The following ARHGAP24 variants were observed in gnomAD, a reference collection of about 807,000 sequenced individuals.
ARHGAP24 encodes rho GTPase-activating protein 24.
In ARHGAP24, 50 loss-of-function variants were observed where a neutral mutation model predicts 76.4. The ratio of observed to expected loss-of-function variants is 0.65; its 90% confidence interval spans 0.52 to 0.83. ARHGAP24 has a LOEUF of 0.83. Ranked by LOEUF, ARHGAP24 falls within the 40% of genes least tolerant of loss-of-function variation. The probability of loss-of-function intolerance (pLI) is 0.00; values close to 1 mark genes in which losing one functional copy is unlikely to be tolerated. For missense variants in ARHGAP24, 930 were observed against 914.2 expected (o/e 1.02, Z -0.22); for synonymous variants, 345 against 323.3 (o/e 1.07, Z -0.72).
intron 3 of ARHGAP24, among the ~76,000 whole-genome samples, chr4:85,790,104 T>C (rs1427533721): frequency 1.3e-5 from 2 of 152,166 alleles, no homozygotes; most frequent in Non-Finnish European, 2.9e-5. Context: ...ACTAATCTGA[T>C]ATGGGGCCCC....
intron 3 of ARHGAP24, among the ~76,000 whole-genome samples, chr4:85,833,749 T>TTTCTAAAACAGTC (rs1446861491): frequency 1.3e-5 from 2 of 152,244 alleles, no homozygotes; most frequent in African/African-American, 4.8e-5. Context: ...TACAAACAGT[T>TTTCTAAAACAGTC]TTCTAAAACA....
chr4:85,717,283 A>T (rs1434037052), intron 2 of ARHGAP24, among the ~76,000 whole-genome samples: 1 of 152,056 alleles, frequency 6.6e-6, no homozygotes, highest in Admixed American at 6.6e-5. Flanking sequence ...GTTTCTGTAC[A>T]TGTTTCTTAA....
chr4:85,780,764 C>T (rs1727519332), intron 3 of ARHGAP24, among the ~76,000 whole-genome samples: 1 of 152,190 alleles, frequency 6.6e-6, no homozygotes, highest in East Asian at 1.9e-4. Context: ...GACACAGTGA[C>T]ATCTATTTTG....
chr4:85,705,505 G>C (rs1000622395), intron 2 of ARHGAP24, among the ~76,000 whole-genome samples: 1 of 152,194 alleles, frequency 6.6e-6, no homozygotes, highest in African/African-American at 2.4e-5. Context: ...TGTAGAGATA[G>C]CAACATTTTA....
chr4:85,796,244 G>A (rs904509280), intron 3 of ARHGAP24, among the ~76,000 whole-genome samples: 5 of 151,890 alleles, frequency 3.3e-5, no homozygotes, highest in African/African-American at 4.8e-5. Context: ...ATACAATTTA[G>A]AGAAAATTCC....
At chr4:85,774,353 C>T (rs1049678002) in intron 3 of ARHGAP24, among the ~76,000 whole-genome samples, 3 of 152,030 alleles carry the variant, frequency 2.0e-5, no homozygotes, top group Non-Finnish European at 2.9e-5. Context: ...TCTTTGAGCT[C>T]ACCTCTCCAA....
intron 3 of ARHGAP24, among the ~76,000 whole-genome samples, chr4:85,765,904 A>T (rs1009934249): frequency 6.6e-6 from 1 of 152,312 alleles, no homozygotes; most frequent in Middle Eastern, 3.4e-3. Context: ...ACTCAATTGC[A>T]TAGTTGTTTT....
Position 85,580,068 on chromosome 4 carries a change from A to G in ARHGAP24, c.180+9347A>G, listed in dbSNP as rs538917120. Among the ~76,000 whole-genome samples the G allele has an allele frequency of 3.3e-5, 5 of 152,128 alleles. No homozygotes were observed. The South Asian group carries it at 8.3e-4, about 25-fold the overall frequency. On this transcript the variant is annotated intron_variant, in intron 2 of 9. Coordinates refer to ENST00000395184, the MANE Select transcript of ARHGAP24 (RefSeq NM_001025616.3). ...TCAATTTCAATCTAATTTAAAACTC[A>G]AGCCTCACACTTGGTTTAAATCTCA...
intron 3 of ARHGAP24, among the ~76,000 whole-genome samples, chr4:85,768,729 A>T (rs559553517): frequency 2.0e-4 from 31 of 152,260 alleles, no homozygotes; most frequent in African/African-American, 7.5e-4. Flanking sequence ...GTGAGCTGAG[A>T]TCGTGCCACT....
chr4:85,630,747 A>G (rs934299592), intron 2 of ARHGAP24, among the ~76,000 whole-genome samples: 54 of 152,044 alleles, frequency 3.6e-4, no homozygotes, highest in African/African-American at 1.3e-3. Flanking sequence ...TTTAAATAAT[A>G]ATTTAAAGAA....
At chr4:85,706,962 T>C (rs1003447604) in intron 2 of ARHGAP24, among the ~76,000 whole-genome samples, 2 of 152,080 alleles carry the variant, frequency 1.3e-5, no homozygotes, top group Non-Finnish European at 2.9e-5. Flanking sequence ...GTCACCCAGC[T>C]AAAGTGCAGT....
At chr4:85,528,259 A>G (rs1456837019) in intron 1 of ARHGAP24, among the ~76,000 whole-genome samples, 1 of 152,104 alleles carries the variant, frequency 6.6e-6, no homozygotes, top group Non-Finnish European at 1.5e-5. Context: ...TTTATACATG[A>G]TAATAATACA....
chr4:85,654,439 A>G (rs780913731), intron 2 of ARHGAP24, among the ~76,000 whole-genome samples: 3 of 152,184 alleles, frequency 2.0e-5, no homozygotes, highest in Non-Finnish European at 2.9e-5. Flanking sequence ...TTCATAACAC[A>G]TACTTTTTAT....
At chr4:85,928,402 C>G (rs1010396115) in intron 4 of ARHGAP24, among the ~76,000 whole-genome samples, 1 of 151,966 alleles carries the variant, frequency 6.6e-6, no homozygotes, top group Non-Finnish European at 1.5e-5. Flanking sequence ...ATGGAAGTGT[C>G]TAGTCCGGAA....
At chr4:85,726,228 C>CT (rs763905894) in intron 3 of ARHGAP24, among the ~76,000 whole-genome samples, 8 of 150,614 alleles carry the variant, frequency 5.3e-5, no homozygotes, top group Non-Finnish European at 1.0e-4. Context: ...GTTTTAGCCT[C>CT]TTTTGGGGGG....
chr4:85,597,626 C>G (rs890430357), intron 2 of ARHGAP24, among the ~76,000 whole-genome samples: 1 of 28,122 alleles, frequency 3.6e-5, no homozygotes, highest in Non-Finnish European at 7.1e-5. Context: ...TTTAGGGCAG[C>G]AACTTTTTTT....
At chr4:85,625,766 G>A (rs1488842410) in intron 2 of ARHGAP24, among the ~76,000 whole-genome samples, 1 of 152,168 alleles carries the variant, frequency 6.6e-6, no homozygotes, top group African/African-American at 2.4e-5. Flanking sequence ...TGTATTGGGT[G>A]CATATATATT....
At chr4:85,897,336 T>C (rs1287076213) in intron 3 of ARHGAP24, among the ~76,000 whole-genome samples, 1 of 152,248 alleles carries the variant, frequency 6.6e-6, no homozygotes, top group Non-Finnish European at 1.5e-5. Context: ...TATTTTGTTT[T>C]GCTTATTCAC....
At chr4:85,532,180 G>A (rs1386338312) in intron 1 of ARHGAP24, among the ~76,000 whole-genome samples, 1 of 152,120 alleles carries the variant, frequency 6.6e-6, no homozygotes, top group Non-Finnish European at 1.5e-5. Flanking sequence ...TAAAAATTCA[G>A]AAGTGTGCAG....
Sources: allele counts gnomAD v4.1 joint callset (sites outside exome capture counted in the v4.1 genomes callset), GRCh38; gene constraint gnomAD v4.1.1; transcripts MANE v1.5; gene names NCBI Gene and HGNC (gene_info 2026-07-23, HGNC 2026-07-21).